Variants in TSNARE1 observed in about 807,000 individuals in gnomAD.
TSNARE1 encodes t-SNARE domain-containing protein 1.
TSNARE1 carries 49 observed loss-of-function variants against 62.0 expected under a neutral mutation model. The observed-to-expected ratio is 0.79, with a 90% CI of 0.63 to 1.00. The LOEUF is 1.00. Among genes scored for constraint, TSNARE1 ranks in the 50% least tolerant of loss-of-function variants. TSNARE1 has a pLI of 0.00. For missense variants in TSNARE1, 755 were observed against 700.1 expected (o/e 1.08, Z -0.88); for synonymous variants, 328 against 294.4 (o/e 1.11, Z -1.17).
intron 1 of TSNARE1, among the ~76,000 whole-genome samples, chr8:142,359,812 G>A (rs1835021756): frequency 6.6e-6 from 1 of 152,324 alleles, no homozygotes; most frequent in African/African-American, 2.4e-5. Flanking sequence ...TCAGTGCAGG[G>A]CATGAAACAT....
intron 12 of TSNARE1, among the ~76,000 whole-genome samples, chr8:142,230,155 G>C (rs1021361449): frequency 1.3e-5 from 2 of 152,244 alleles, no homozygotes; most frequent in African/African-American, 2.4e-5. Flanking sequence ...GGACTGATTA[G>C]ATAGGGATTT....
At chr8:142,257,150 C>G (rs1054211081) in intron 12 of TSNARE1, among the ~76,000 whole-genome samples, 1 of 152,202 alleles carries the variant, frequency 6.6e-6, no homozygotes, top group East Asian at 1.9e-4. Flanking sequence ...CCGAGGGAGG[C>G]AAGTCTCCAC....
At chr8:142,343,572 G>A (rs998628362) in intron 4 of TSNARE1, among the ~76,000 whole-genome samples, 29 of 151,706 alleles carry the variant, frequency 1.9e-4, no homozygotes, top group African/African-American at 6.6e-4. Context: ...GCTCTAGGAC[G>A]CGGTGAGGGA....
chr8:142,384,586 C>G (rs139506834), intron 1 of TSNARE1, among the ~76,000 whole-genome samples: 1 of 152,302 alleles, frequency 6.6e-6, no homozygotes, highest in Non-Finnish European at 1.5e-5. Flanking sequence ...AGAAAAGGAT[C>G]ATCTTTTCAA....
At chr8:142,325,625 C>T (rs1354808543) in intron 6 of TSNARE1, among the ~76,000 whole-genome samples, 2 of 152,046 alleles carry the variant, frequency 1.3e-5, no homozygotes, top group African/African-American at 2.4e-5. Context: ...ACAGGGAGAC[C>T]CCAGGTCAGT....
intron 9 of TSNARE1, among the ~76,000 whole-genome samples, chr8:142,310,308 T>C (rs1431465754): frequency 6.6e-6 from 1 of 152,234 alleles, no homozygotes; most frequent in Non-Finnish European, 1.5e-5. Context: ...CATGACACTT[T>C]AACACTATTT....
chr8:142,226,131 G>A (rs1286114558), intron 13 of TSNARE1, among the ~76,000 whole-genome samples: 2 of 152,208 alleles, frequency 1.3e-5, no homozygotes, highest in Non-Finnish European at 2.9e-5. Flanking sequence ...ATAAGGCCAT[G>A]TTCACAGGTG....
chr8:142,325,647 C>T (rs1245745405), intron 6 of TSNARE1, among the ~76,000 whole-genome samples: 1 of 152,004 alleles, frequency 6.6e-6, no homozygotes, highest in African/African-American at 2.4e-5. Context: ...CAGAAGGACC[C>T]TAAGTTAGCA....
chr8:142,303,967 G>A (rs747900407), intron 9 of TSNARE1, among the ~76,000 whole-genome samples: 3 of 152,208 alleles, frequency 2.0e-5, no homozygotes, highest in African/African-American at 4.8e-5. Context: ...GGCCACCCTC[G>A]TCTAAAGGGC....
At chr8:142,246,880 C>G (rs895503592) in intron 12 of TSNARE1, among the ~76,000 whole-genome samples, 1 of 152,196 alleles carries the variant, frequency 6.6e-6, no homozygotes, top group Non-Finnish European at 1.5e-5. Flanking sequence ...TGAGAATGTG[C>G]GAGGCAGCGA....
rs1253661444 is a variant in TSNARE1 at position 142,291,057 on chromosome 8, C to A, written c.1291-6572G>T. Reference sequence around the variant, plus strand: ...AAGGGCACGCGCCTGTTCCCTCCAACCTCTCCTGCCCAGGGAGATGAATTG... The same window carrying A: ...AAGGGCACGCGCCTGTTCCCTCCAAACTCTCCTGCCCAGGGAGATGAATTG... On this transcript the variant is annotated intron_variant, in intron 10 of 13. Transcript: ENST00000524325. This position sits in a 1 kb window ranked among gnomAD's most constrained non-coding sequence, Gnocchi z 4.8. 6.6e-6 allele frequency among the ~76,000 whole-genome samples: 1 copy of A among 152,092 alleles called. No homozygotes were observed. The highest frequency in any genetic ancestry group is 2.4e-5 in the African/African-American group (1 of 41,426).
chr8:142,273,999 C>G (rs1820015539), intron 12 of TSNARE1: 2 of 985,236 alleles, frequency 2.0e-6, no homozygotes, highest in African/African-American at 3.5e-5. Flanking sequence ...GCTCCGCCCT[C>G]AAGAGTGTGT....
chr8:142,274,067 CCA>C (rs1820024695), intron 12 of TSNARE1: 1 of 985,260 alleles, frequency 1.0e-6, no homozygotes, highest in Non-Finnish European at 1.2e-6. Context: ...GTGGCCCATG[CCA>C]CCCTCACCTT....
chr8:142,295,313 G>C (rs1824497208), intron 10 of TSNARE1, among the ~76,000 whole-genome samples: 1 of 152,274 alleles, frequency 6.6e-6, no homozygotes, highest in Non-Finnish European at 1.5e-5. Context: ...ACTTGGGTCG[G>C]AGTCAGACTG....
At chr8:142,370,201 T>C (rs2131016623) in intron 1 of TSNARE1, among the ~76,000 whole-genome samples, 1 of 152,268 alleles carries the variant, frequency 6.6e-6, no homozygotes, top group Non-Finnish European at 1.5e-5. Context: ...CTGTGAGAAA[T>C]ACATTTCTGC....
chr8:142,355,521 C>A (rs922261381), intron 1 of TSNARE1, among the ~76,000 whole-genome samples: 1 of 152,164 alleles, frequency 6.6e-6, no homozygotes, highest in African/African-American at 2.4e-5. Context: ...CCAAACCTCT[C>A]CTCCCGTGGG....
chr8:142,332,806 A>C (rs1831243266), intron 4 of TSNARE1, among the ~76,000 whole-genome samples: 1 of 152,182 alleles, frequency 6.6e-6, no homozygotes, highest in East Asian at 1.9e-4. Flanking sequence ...CCCGCCCTCC[A>C]GCCAGCAGTC....
At chr8:142,394,633 T>A (rs1182318968) in intron 1 of TSNARE1, among the ~76,000 whole-genome samples, 1 of 152,152 alleles carries the variant, frequency 6.6e-6, no homozygotes, top group Non-Finnish European at 1.5e-5. Context: ...CTCCCACAGC[T>A]CTGCTCTGTG....
chr8:142,400,458 G>C (rs1334408597), intron 1 of TSNARE1, among the ~76,000 whole-genome samples: 1 of 143,480 alleles, frequency 7.0e-6, no homozygotes, highest in Non-Finnish European at 1.5e-5. Context: ...AAAATTAAAA[G>C]GGCCGGGCAC....
Sources: allele counts gnomAD v4.1 joint callset (sites outside exome capture counted in the v4.1 genomes callset), GRCh38; gene constraint gnomAD v4.1.1; non-coding constraint Gnocchi (gnomAD v3.1); transcripts MANE v1.5; gene names NCBI Gene and HGNC (gene_info 2026-07-23, HGNC 2026-07-21).